ANXA2: variants seen among roughly 807,000 people sequenced by gnomAD.
ANXA2 encodes the protein annexin II.
In ANXA2, 28 loss-of-function variants were observed where a neutral mutation model predicts 47.3. The ratio of observed to expected loss-of-function variants is 0.59; its 90% CI spans 0.44 to 0.81. The LOEUF is 0.81. Ranked by LOEUF, ANXA2 falls within the 40% of genes least tolerant of loss-of-function variation. The pLI, the probability that ANXA2 is intolerant of heterozygous loss-of-function variation, is 0.00. For missense variants in ANXA2, 384 were observed against 414.3 expected (o/e 0.93, Z 0.64); for synonymous variants, 172 against 155.5 (o/e 1.11, Z -0.79).
intron 1 of ANXA2, among the ~76,000 whole-genome samples, chr15:60,391,923 C>A (rs1367806295): frequency 6.6e-6 from 1 of 151,332 alleles, no homozygotes; most frequent in Non-Finnish European, 1.5e-5. Flanking sequence ...TCAGCAAATT[C>A]AATCTGTTGA....
intron 10 of ANXA2, chr15:60,351,499 C>A: frequency 1.6e-6 from 1 of 614,684 alleles, no homozygotes; most frequent in Non-Finnish European, 2.9e-6. Context: ...ACAACACACC[C>A]CTCTCTCCTC....
At chr15:60,381,375 G>T (rs1346910333) in intron 3 of ANXA2, among the ~76,000 whole-genome samples, 1 of 152,162 alleles carries the variant, frequency 6.6e-6, no homozygotes, top group East Asian at 1.9e-4. Flanking sequence ...TATCCAAGGG[G>T]GGAAAAGTGG....
intron 3 of ANXA2, among the ~76,000 whole-genome samples, chr15:60,381,168 G>C (rs1441237684): frequency 6.6e-6 from 1 of 152,124 alleles, no homozygotes; most frequent in Non-Finnish European, 1.5e-5. Context: ...AGGTTCCCAG[G>C]TCAGCCTGGT....
intron 4 of ANXA2, among the ~76,000 whole-genome samples, chr15:60,361,780 G>A (rs1023316477): frequency 6.6e-6 from 1 of 152,132 alleles, no homozygotes; most frequent in Non-Finnish European, 1.5e-5. Context: ...GGTCTGGTCA[G>A]CACCCATGTA....
chr15:60,363,013 G>A (rs1416263872), intron 4 of ANXA2: 1 of 117,702 alleles, frequency 8.5e-6, no homozygotes, highest in Non-Finnish European at 1.7e-5. Flanking sequence ...CTGGGTGACA[G>A]AGCAAGACCC....
chr15:60,351,959 G>A (rs983011309), intron 9 of ANXA2, 140 bp from the exon 10 acceptor site: 9 of 653,900 alleles, frequency 1.4e-5, no homozygotes, highest in Admixed American at 2.8e-5. Flanking sequence ...AGGTTACCAC[G>A]GTGACCAGAG....
At chr15:60,390,470 G>A in intron 1 of ANXA2, 1 of 508,330 alleles carries the variant, frequency 2.0e-6, no homozygotes, top group Non-Finnish European at 3.9e-6. Flanking sequence ...GTATGCCCAG[G>A]GAAAGCGGCG....
At chr15:60,380,266 G>C (rs1466943768) in intron 3 of ANXA2, among the ~76,000 whole-genome samples, 1 of 152,008 alleles carries the variant, frequency 6.6e-6, no homozygotes, top group Non-Finnish European at 1.5e-5. Flanking sequence ...ACTTTGATTA[G>C]CACCCCTTTA....
chr15:60,395,930 G>A (rs566103187), intron 1 of ANXA2: 6 of 152,248 alleles, frequency 3.9e-5, no homozygotes, highest in African/African-American at 1.4e-4. Flanking sequence ...GACAGACTTG[G>A]AAGAAGGGAA....
chr15:60,397,237 C>T (rs1267224085), intron 1 of ANXA2: 7 of 977,088 alleles, frequency 7.2e-6, no homozygotes, highest in African/African-American at 1.8e-5. Context: ...ACCCTCCCCA[C>T]AGAATCATGG....
At position 60,347,573 on chromosome 15, in the gene ANXA2, C is replaced by T; in HGVS notation, c.*57G>A. The T allele has an allele frequency of 6.4e-7, 1 of 1,573,344 alleles. No homozygotes were observed. Among genetic ancestry groups the T allele is most frequent in the Non-Finnish European group, 8.7e-7 (1 of 1,143,440 alleles). On this transcript the variant is annotated 3_prime_UTR_variant, in exon 13 of 13. Coordinates refer to ENST00000451270, the MANE Select transcript of ANXA2 (RefSeq NM_004039.3). ...GTTATTCGCAAGCTGGTTTTCTAGA[C>T]CTGTTAGCTGGAAGCATGGTGAGCA...
At chr15:60,358,124 T>C (rs1595669720) in intron 5 of ANXA2, among the ~76,000 whole-genome samples, 1 of 152,352 alleles carries the variant, frequency 6.6e-6, no homozygotes, top group East Asian at 1.9e-4. Context: ...AAAAATTTCA[T>C]TCTTGTCCTT....
chr15:60,350,916 A>G (rs3825957), intron 11 of ANXA2, among the ~76,000 whole-genome samples: 120,211 of 152,186 alleles, frequency 0.79, 47,913 homozygotes, highest in African/African-American at 0.87. Context: ...GGAGAAACCT[A>G]AGCAGGGATC....
intron 1 of ANXA2, among the ~76,000 whole-genome samples, chr15:60,391,794 T>C (rs148361251): frequency 6.6e-6 from 1 of 152,272 alleles, no homozygotes; most frequent in East Asian, 1.9e-4. Context: ...ACTACTCCTT[T>C]TCTGGCAGAC....
chr15:60,347,838 G>C, intron 12 of ANXA2, 149 bp from the exon 13 acceptor site: 1 of 719,526 alleles, frequency 1.4e-6, no homozygotes, highest in Non-Finnish European at 2.3e-6. Flanking sequence ...CAAAGGCCTG[G>C]AAGGCCACAC....
At chr15:60,356,654 T>G (rs1473028901) in intron 6 of ANXA2, among the ~76,000 whole-genome samples, 3 of 152,098 alleles carry the variant, frequency 2.0e-5, no homozygotes, top group Non-Finnish European at 4.4e-5. Context: ...CTTTAAAAAG[T>G]AAAACAAAAA....
At chr15:60,397,226 A>G (rs2063092347) in intron 1 of ANXA2, 1 of 963,508 alleles carries the variant, frequency 1.0e-6, no homozygotes, top group East Asian at 1.2e-4. Flanking sequence ...GTAACAGGAC[A>G]ACCCTCCCCA....
At chr15:60,389,184 T>C (rs1460159676) in intron 1 of ANXA2, among the ~76,000 whole-genome samples, 2 of 152,238 alleles carry the variant, frequency 1.3e-5, no homozygotes, top group African/African-American at 2.4e-5. Flanking sequence ...TGCAGAATTC[T>C]AGTCTCTACC....
intron 1 of ANXA2, among the ~76,000 whole-genome samples, chr15:60,396,914 C>T (rs2140951665): frequency 6.6e-6 from 1 of 152,350 alleles, no homozygotes; most frequent in Middle Eastern, 3.4e-3. Flanking sequence ...ACAAAAATGA[C>T]ACTTTGCATT....
Sources: gnomAD v4.1 joint callset for allele counts (sites outside exome capture counted in the v4.1 genomes callset) on GRCh38, gnomAD v4.1.1 for gene constraint, MANE v1.5 for transcripts, NCBI Gene and HGNC (gene_info 2026-07-23, HGNC 2026-07-21) for gene names.